The following PIGK variants were observed in gnomAD, a reference collection of about 807,000 sequenced individuals.
PIGK encodes phosphatidylinositol glycan anchor biosynthesis class K, also known as GPI-anchor transamidase.
A neutral mutation model predicts 50.6 loss-of-function variants in PIGK; 42 were observed. The observed-to-expected ratio is 0.83, with a 90% CI of 0.65 to 1.07. The LOEUF (loss-of-function observed/expected upper bound fraction) is 1.07, where lower values mean the gene tolerates loss of function less well. Among genes scored for constraint, PIGK ranks in the 50% least tolerant of loss-of-function variants. The pLI, the probability that PIGK is intolerant of heterozygous loss-of-function variation, is 0.00. For synonymous variants in PIGK, 151 were observed against 156.0 expected (o/e 0.97, Z 0.24); for missense variants, 448 against 488.7 (o/e 0.92, Z 0.78).
chr1:77,192,299 T>C (rs1415537257), intron 3 of PIGK, among the ~76,000 whole-genome samples: 2 of 106,694 alleles, frequency 1.9e-5, no homozygotes, highest in African/African-American at 1.4e-4. Flanking sequence ...TGAAATCAAA[T>C]TAATTAGAAG....
At chr1:77,164,430 T>C (rs1655193192) in intron 5 of PIGK, among the ~76,000 whole-genome samples, 1 of 152,328 alleles carries the variant, frequency 6.6e-6, no homozygotes, top group African/African-American at 2.4e-5. Context: ...AATATTTCTA[T>C]GCTTCAGTTT....
chr1:77,152,856 A>G (rs890538273), intron 9 of PIGK, among the ~76,000 whole-genome samples: 2 of 152,148 alleles, frequency 1.3e-5, no homozygotes, highest in African/African-American at 4.8e-5. Context: ...AAAAAAGACC[A>G]AAAAATAACA....
At chr1:77,206,217 T>C (rs148500805) in intron 3 of PIGK, among the ~76,000 whole-genome samples, 1 of 152,296 alleles carries the variant, frequency 6.6e-6, no homozygotes, top group Non-Finnish European at 1.5e-5. Context: ...CTATGTCTCT[T>C]CTAATATCTA....
At chr1:77,147,243 C>T (rs1374037001) in intron 9 of PIGK, among the ~76,000 whole-genome samples, 1 of 152,006 alleles carries the variant, frequency 6.6e-6, no homozygotes, top group Non-Finnish European at 1.5e-5. Flanking sequence ...ATGGGGGAAA[C>T]CACCCCCATG....
At chr1:77,186,786 G>C (rs190645609) in intron 3 of PIGK, among the ~76,000 whole-genome samples, 1 of 152,140 alleles carries the variant, frequency 6.6e-6, no homozygotes, top group Non-Finnish European at 1.5e-5. Flanking sequence ...CGCTGACCTG[G>C]TTATGGCCAC....
intron 3 of PIGK, among the ~76,000 whole-genome samples, chr1:77,173,862 C>A (rs1019289096): frequency 6.6e-6 from 1 of 152,206 alleles, no homozygotes; most frequent in Non-Finnish European, 1.5e-5. Context: ...CTTGTTTTGT[C>A]CTTGGGAGCT....
intron 9 of PIGK, among the ~76,000 whole-genome samples, chr1:77,125,803 C>G (rs1363746723): frequency 6.6e-6 from 1 of 152,116 alleles, no homozygotes; most frequent in African/African-American, 2.4e-5. Flanking sequence ...AATACCATAT[C>G]TGTTAATTTT....
At position 77,090,118 on chromosome 1, in the gene PIGK, C is replaced by G. The variant is rs527687973; in HGVS notation, c.*2256G>C. ...ATTTCAGAAGTGTTTAGTCAAAATA[C>G]TATCTCATCTGATTCTCACCACAAC... On this transcript the variant is annotated 3_prime_UTR_variant, in exon 11 of 11. Coordinates refer to ENST00000370812, the MANE Select transcript of PIGK (RefSeq NM_005482.3). 1 of 152,312 alleles carries G rather than the reference C, an allele frequency of 6.6e-6. No individual in the cohort carries two copies. Among genetic ancestry groups the G allele is most frequent in the East Asian group, 1.9e-4 (1 of 5,186 alleles). The allele number at this position is 152,312 out of a possible 1,614,324, so 9.4% of individuals were successfully genotyped here.
At chr1:77,185,474 G>A (rs564559483) in intron 3 of PIGK, among the ~76,000 whole-genome samples, 36 of 152,138 alleles carry the variant, frequency 2.4e-4, no homozygotes, top group African/African-American at 8.7e-4. Flanking sequence ...GGGATCCAGT[G>A]GTGTGGGGCC....
At chr1:77,100,567 T>C (rs1033281701) in intron 10 of PIGK, among the ~76,000 whole-genome samples, 37 of 152,178 alleles carry the variant, frequency 2.4e-4, no homozygotes, top group African/African-American at 8.4e-4. Flanking sequence ...CTGAATTATA[T>C]GGCATATGAG....
chr1:77,139,861 TTTA>T (rs1256790145), intron 9 of PIGK, among the ~76,000 whole-genome samples: 1 of 152,244 alleles, frequency 6.6e-6, no homozygotes, highest in Non-Finnish European at 1.5e-5. Flanking sequence ...TTGATTATTC[TTTA>T]TTATTAACTT....
At chr1:77,172,903 G>A (rs190576143) in intron 3 of PIGK, among the ~76,000 whole-genome samples, 5 of 152,240 alleles carry the variant, frequency 3.3e-5, no homozygotes, top group Admixed American at 6.5e-5. Context: ...CAGCCTGGGC[G>A]ACAGAGCGAG....
intron 9 of PIGK, among the ~76,000 whole-genome samples, chr1:77,133,344 T>C (rs750647275): frequency 2.0e-5 from 3 of 152,162 alleles, no homozygotes; most frequent in African/African-American, 4.8e-5. Flanking sequence ...TTCATTATTT[T>C]AGTTATAAGC....
chr1:77,174,981 C>A (rs1249600082), intron 3 of PIGK, among the ~76,000 whole-genome samples: 3 of 152,008 alleles, frequency 2.0e-5, no homozygotes, highest in African/African-American at 7.2e-5. Flanking sequence ...TAAAAGAGCT[C>A]TAATTAATTG....
chr1:77,177,524 G>T (rs544966069), intron 3 of PIGK, among the ~76,000 whole-genome samples: 1 of 152,322 alleles, frequency 6.6e-6, no homozygotes, highest in African/African-American at 2.4e-5. Flanking sequence ...TTTCCTGTAA[G>T]GAATACTTTT....
chr1:77,215,165 C>G (rs181535442), intron 1 of PIGK, among the ~76,000 whole-genome samples: 1 of 152,142 alleles, frequency 6.6e-6, no homozygotes, highest in East Asian at 1.9e-4. Flanking sequence ...TATTTGCAAA[C>G]TATTCATCCA....
chr1:77,161,577 G>A lies in PIGK; in HGVS notation c.702+17C>T, dbSNP rs1655128701. ...CATTCCAAAGACACAGTTTACAAATGGGGAAAATGCACATACCGAGAGTGA... is the reference window on the plus strand; with the variant it reads ...CATTCCAAAGACACAGTTTACAAATAGGGAAAATGCACATACCGAGAGTGA... On this transcript the variant is annotated intron_variant, in intron 7 of 10. Coordinates refer to ENST00000370812, the MANE Select transcript of PIGK (RefSeq NM_005482.3). 1 of 1,129,058 alleles carries A rather than the reference G, an allele frequency of 8.9e-7. No individual in the cohort carries two copies. The allele number at this position is 1,129,058 out of a possible 1,614,324, so 69.9% of individuals were successfully genotyped here. A position where few individuals can be genotyped will look rare whatever the true frequency, so the allele number is the denominator to read the frequency against.
intron 10 of PIGK, among the ~76,000 whole-genome samples, chr1:77,108,959 T>C (rs1470192324): frequency 2.6e-5 from 4 of 152,176 alleles, no homozygotes; most frequent in African/African-American, 7.2e-5. Context: ...TTTAAGGACT[T>C]CTCTACATTG....
At chr1:77,102,917 C>A (rs1653581640) in intron 10 of PIGK, among the ~76,000 whole-genome samples, 1 of 152,100 alleles carries the variant, frequency 6.6e-6, no homozygotes, top group Admixed American at 6.5e-5. Flanking sequence ...GGCATTCTAT[C>A]TTTAATTTAC....
Sources: allele counts gnomAD v4.1 joint callset (sites outside exome capture counted in the v4.1 genomes callset), GRCh38; gene constraint gnomAD v4.1.1; transcripts MANE v1.5; gene names NCBI Gene and HGNC (gene_info 2026-07-23, HGNC 2026-07-21).